The following MTCL1 variants were observed in gnomAD, a reference collection of about 807,000 sequenced individuals.
MTCL1 encodes the protein microtubule cross-linking factor 1.
A neutral mutation model predicts 141.4 loss-of-function variants in MTCL1; 79 were observed. The ratio of observed to expected loss-of-function variants is 0.56; its 90% confidence interval spans 0.47 to 0.67. The LOEUF is 0.67. Among genes scored for constraint, MTCL1 ranks in the 30% least tolerant of loss-of-function variants. The probability of loss-of-function intolerance (pLI) is 0.00; values close to 1 mark genes in which losing one functional copy is unlikely to be tolerated. For synonymous variants in MTCL1, 914 were observed against 875.8 expected (o/e 1.04, Z -0.77); for missense variants, 2,177 against 2,113.9 (o/e 1.03, Z -0.59).
At chr18:8,720,301 C>T in intron 3 of MTCL1, 37 bp from the exon 3 acceptor site, 2 of 1,610,720 alleles carry the variant, frequency 1.2e-6, no homozygotes, top group Non-Finnish European at 1.7e-6. Context: ...CACAAAAAGC[C>T]TCATATCCTG....
intron 4 of MTCL1, among the ~76,000 whole-genome samples, chr18:8,753,491 C>T (rs1031001055): frequency 2.6e-4 from 40 of 152,188 alleles, no homozygotes; most frequent in African/African-American, 9.4e-4. Context: ...AGTCAGTTTT[C>T]CTTGTCCCCA....
chr18:8,798,145 G>A, exon 10 of MTCL1: 1 of 1,595,282 alleles, frequency 6.3e-7, no homozygotes. Context: ...TGGAGTCCAG[G>A]GGGGTCACCA....
At chr18:8,763,325 C>T (rs1598544461) in intron 4 of MTCL1, among the ~76,000 whole-genome samples, 1 of 152,276 alleles carries the variant, frequency 6.6e-6, no homozygotes, top group Non-Finnish European at 1.5e-5. Context: ...GCTGGGGCTT[C>T]CCTGATGGGC....
intron 16 of MTCL1, chr18:8,829,023 A>T: frequency 1.2e-6 from 2 of 1,613,202 alleles, no homozygotes; most frequent in Non-Finnish European, 1.7e-6. Context: ...TGTAACTCGC[A>T]GTTGGCACCT....
At chr18:8,716,054 G>T (rs960305135), upstream of MTCL1, among the ~76,000 whole-genome samples, 19 of 152,122 alleles carry the variant, frequency 1.2e-4, no homozygotes, top group African/African-American at 4.6e-4. Flanking sequence ...AGATTTCCAT[G>T]GAGGAAAAAA....
upstream of MTCL1, among the ~76,000 whole-genome samples, chr18:8,717,088 A>G (rs2096133501): frequency 1.3e-5 from 2 of 152,138 alleles, no homozygotes; most frequent in South Asian, 4.1e-4. Flanking sequence ...CTGTGTATTC[A>G]TTCAGCAATA....
At chr18:8,754,704 G>T (rs1050042794) in intron 4 of MTCL1, among the ~76,000 whole-genome samples, 3 of 152,168 alleles carry the variant, frequency 2.0e-5, no homozygotes, top group Non-Finnish European at 4.4e-5. Flanking sequence ...GTATAGATGC[G>T]TGCAGTTCTG....
At position 8,752,363 on chromosome 18, in the gene MTCL1, C is replaced by T. The variant is rs1304059743; in HGVS notation, c.358-25470C>T. ...CTTTTACTATTTAAACTTCCATGTA[C>T]TAGTTGAATAGGAACTGATAGTTGT... is the stretch of plus-strand genomic sequence containing the variant. On this transcript the variant is annotated intron_variant, in intron 4 of 16. Coordinates refer to ENST00000359865, the Ensembl canonical transcript of MTCL1. 2.5e-4 allele frequency among the ~76,000 whole-genome samples: 38 copies of T among 152,204 alleles called. 1 individual carries two copies. The highest frequency in any genetic ancestry group is 2.0e-3 in the Admixed American group (30 of 15,286).
intron 4 of MTCL1, among the ~76,000 whole-genome samples, chr18:8,731,385 C>T (rs908794816): frequency 6.6e-6 from 1 of 151,990 alleles, no homozygotes; most frequent in African/African-American, 2.4e-5. Context: ...ACCAGCCTAG[C>T]CAACATGGTG....
intron 1 of MTCL1, 142 bp downstream of exon 1, chr18:8,706,855 G>C: frequency 4.4e-6 from 6 of 1,376,856 alleles, no homozygotes; most frequent in Non-Finnish European, 5.7e-6. Context: ...GCATTGTCAG[G>C]CATTGGCAAC....
At chr18:8,786,988 G>A (rs1417096313) in intron 7 of MTCL1, 1 of 156,038 alleles carries the variant, frequency 6.4e-6, no homozygotes, top group Non-Finnish European at 1.4e-5. Flanking sequence ...GGTTTTACAG[G>A]AAGTGCGTCT....
chr18:8,731,064 T>C (rs555000668), intron 4 of MTCL1, among the ~76,000 whole-genome samples: 244 of 151,580 alleles, frequency 1.6e-3, no homozygotes, highest in Middle Eastern at 3.4e-3. Flanking sequence ...GCTAACACGG[T>C]GAAACCCCAT....
Position 8,828,241 on chromosome 18 carries a change from TCACTCA to T in MTCL1, c.4723-666_4723-661del. Among the ~76,000 whole-genome samples, 1 of 152,342 alleles carries T rather than the reference TCACTCA, an allele frequency of 6.6e-6. No individual in the cohort carries two copies. Among genetic ancestry groups the T allele is most frequent in the African/African-American group, 2.4e-5 (1 of 41,566 alleles). Reference sequence around the variant, plus strand: ...TGTTGCGGAATCTTTCCCCGAATGTTCACTCAGGCATCCACACCCAGGAGTGATGCA... The same window carrying T: ...TGTTGCGGAATCTTTCCCCGAATGTTGGCATCCACACCCAGGAGTGATGCA... On this transcript the variant is annotated intron_variant, in intron 15 of 16. Transcript: ENST00000359865. The surrounding 1 kb of genome is among the most constrained non-coding windows in gnomAD (Gnocchi z 5.2).
rs548379136 is a variant in MTCL1, at chr18:8,772,092, C to T, written c.358-5741C>T. 9.8e-5 allele frequency among the ~76,000 whole-genome samples: 15 copies of T among 152,344 alleles called. No homozygotes were observed. In the East Asian group the frequency reaches 2.9e-3, roughly 29 times the overall value. The stretch of plus-strand genomic sequence containing the variant: ...TGGCAGGTGGCCATTGAGGAGCCTG[C>T]GTGGCTCTGTGCTTGGAGGCACAGT... On this transcript the variant is annotated intron_variant, in intron 4 of 16. Transcript: ENST00000359865.
intron 3 of MTCL1, among the ~76,000 whole-genome samples, chr18:8,719,539 G>A (rs2096153619): frequency 6.6e-6 from 1 of 152,134 alleles, no homozygotes; most frequent in Admixed American, 6.5e-5. Flanking sequence ...TGACTACATT[G>A]AACATCTTAT....
At chr18:8,739,669 G>C (rs531398229) in intron 4 of MTCL1, among the ~76,000 whole-genome samples, 1 of 152,308 alleles carries the variant, frequency 6.6e-6, no homozygotes, top group African/African-American at 2.4e-5. Context: ...GTGGGTTTTA[G>C]TACTGATACC....
chr18:8,793,623 C>G (rs1484747693), intron 8 of MTCL1, among the ~76,000 whole-genome samples: 1 of 152,178 alleles, frequency 6.6e-6, no homozygotes, highest in Non-Finnish European at 1.5e-5. Context: ...CCCCAGAGTT[C>G]CGAGTAGAAG....
At chr18:8,706,285 A>G (rs1320347690) in exon 1 of MTCL1, 12 of 1,229,232 alleles carry the variant, frequency 9.8e-6, no homozygotes, top group Non-Finnish European at 1.2e-5. Flanking sequence ...CACGGACAGC[A>G]GCTCCGACCT....
intron 14 of MTCL1, among the ~76,000 whole-genome samples, chr18:8,824,323 G>A (rs1252861112): frequency 4.6e-5 from 7 of 152,338 alleles, no homozygotes; most frequent in South Asian, 2.1e-4. Context: ...GGCCATCGCC[G>A]TGGCTCACCG....
Sources: allele counts gnomAD v4.1 joint callset (sites outside exome capture counted in the v4.1 genomes callset), GRCh38; gene constraint gnomAD v4.1.1; non-coding constraint Gnocchi (gnomAD v3.1); transcripts MANE v1.5; gene names NCBI Gene and HGNC (gene_info 2026-07-23, HGNC 2026-07-21).